Variants in UBAP2 observed in about 807,000 individuals in gnomAD.
UBAP2 encodes the protein ubiquitin associated protein 2, also known as ubiquitin-associated protein 2.
UBAP2 carries 75 observed loss-of-function variants against 139.6 expected under a neutral mutation model. That is an observed-to-expected ratio of 0.54 (90% CI 0.45 to 0.65). The LOEUF (loss-of-function observed/expected upper bound fraction) is 0.65. Among genes scored for constraint, UBAP2 ranks in the 30% least tolerant of loss-of-function variants. UBAP2 has a pLI of 0.00. For missense variants in UBAP2, 1,368 were observed against 1,369.6 expected, an observed-to-expected ratio of 1.00 and a Z score of 0.02; for synonymous variants, 526 against 526.2, an observed-to-expected ratio of 1.00 and a Z score of 0.01.
chr9:33,961,862 AATG>A (rs1302104973), intron 9 of UBAP2, among the ~76,000 whole-genome samples: 6 of 152,192 alleles, frequency 3.9e-5, no homozygotes, highest in African/African-American at 1.2e-4. Flanking sequence ...TCATAAGTAA[AATG>A]ATGATTGTTT....
chr9:33,934,899 A>G (rs1824321222), intron 17 of UBAP2, among the ~76,000 whole-genome samples: 1 of 152,170 alleles, frequency 6.6e-6, no homozygotes, highest in Non-Finnish European at 1.5e-5. Flanking sequence ...CAACAATACC[A>G]GCAAATGTCA....
intron 1 of UBAP2, among the ~76,000 whole-genome samples, chr9:34,025,455 C>A (rs73482919): frequency 1.3e-5 from 2 of 152,140 alleles, no homozygotes; most frequent in Non-Finnish European, 2.9e-5. Context: ...ATCTATCCAA[C>A]CAAATTTTGA....
At position 33,922,125 on chromosome 9, in the gene UBAP2, CCAAA is replaced by C. The variant is rs914637990; in HGVS notation, c.*375_*378del. On this transcript the variant is annotated 3_prime_UTR_variant, in exon 29 of 29. Coordinates refer to ENST00000379238, the MANE Select transcript of UBAP2 (RefSeq NM_001370062.2). The stretch of plus-strand genomic sequence containing the variant: ...CTTCATTGGTACCTGACCCCTATAC[CCAAA>C]CAGCCTTGAACCAGCCCTTCCAGAG... 2 of 211,506 alleles carry C rather than the reference CCAAA, an allele frequency of 9.5e-6. No individual in the cohort carries two copies. Among genetic ancestry groups the C allele is most frequent in the African/African-American group, 4.6e-5 (2 of 43,044 alleles). The allele number at this position is 211,506 out of a possible 1,614,324, so 13.1% of individuals were successfully genotyped here.
At chr9:33,968,267 A>G in intron 8 of UBAP2, 1 of 619,994 alleles carries the variant, frequency 1.6e-6, no homozygotes, top group Non-Finnish European at 3.1e-6. Context: ...AAGTCCTTCC[A>G]TAATATACTG....
chr9:33,959,524 C>G (rs1826854577), intron 10 of UBAP2, among the ~76,000 whole-genome samples: 1 of 152,142 alleles, frequency 6.6e-6, no homozygotes, highest in Non-Finnish European at 1.5e-5. Context: ...AGTTCTAGAA[C>G]TTGACAGTCA....
At position 33,980,220 on chromosome 9, in the gene UBAP2, CTTTTTTTTTTTTTTTTTTTTT is replaced by C. The variant is rs1173781682; in HGVS notation, c.520+6519_520+6539del. Among the ~76,000 whole-genome samples the C allele has an allele frequency of 1.4e-3, 67 of 49,138 alleles. 1 individual carries two copies. Among genetic ancestry groups the C allele is most frequent in the Admixed American group, 0.012 (35 of 2,902 alleles). 32.2% of individuals were successfully genotyped at this position (49,138 alleles called of 152,430 possible). A position where few individuals can be genotyped will look rare whatever the true frequency, so the allele number is the denominator to read the frequency against. Reference sequence around the variant, plus strand: ...TTAATCCAAATCCTGAGTGTCATTTCTTTTTTTTTTTTTTTTTTTTTTTTTTTTTTGAGACGGAGTCTTGCT... The same window carrying C: ...TTAATCCAAATCCTGAGTGTCATTTCTTTTTTTTTGAGACGGAGTCTTGCT... On this transcript the variant is annotated intron_variant, in intron 6 of 28. Transcript: ENST00000379238.
chr9:33,995,793 A>T (rs1822152970), intron 4 of UBAP2: 1 of 151,678 alleles, frequency 6.6e-6, no homozygotes, highest in African/African-American at 2.4e-5. Context: ...AATATTAAAA[A>T]AAAAAAAGAA....
In UBAP2 at chr9:33,923,289, A is replaced by G. The variant is rs1249989648; in HGVS notation, c.2901T>C (p.Tyr967=). 1.4e-5 allele frequency: 22 copies of G among 1,614,100 alleles called. No individual in the cohort carries two copies. The highest frequency in any genetic ancestry group is 1.9e-5 in the Non-Finnish European group (22 of 1,180,028). ...CTGCTGTCCCCTGGGTCAGGTCGTC[A>G]TAACCTAGCGTGGCAGGGTACAAGA... ...GYGQHGYSTG[Y]DDLTQGTAAG... Residue 967 remains tyrosine (Y), a synonymous_variant, in exon 26 of 29, where the codon TAT becomes TAC. Coordinates refer to ENST00000379238, the MANE Select transcript of UBAP2 (RefSeq NM_001370062.2).
At position 33,924,170 on chromosome 9, in the gene UBAP2, G is replaced by A. The variant is rs79359646; in HGVS notation, c.2590+36C>T. On this transcript the variant is annotated intron_variant, in intron 23 of 28. Transcript: ENST00000379238. ...AGCTCCTGGAGTTCGCGCTAGGCCG[G>A]CCCCGGGCTACTCCTCATCCATTGA... 2.6e-4 allele frequency: 425 copies of A among 1,610,906 alleles called. 5 individuals are homozygous for A. In the East Asian group the frequency reaches 8.7e-3, roughly 33 times the overall value.
intron 6 of UBAP2, among the ~76,000 whole-genome samples, chr9:33,975,773 G>T (rs1352088123): frequency 1.4e-5 from 2 of 148,046 alleles, no homozygotes; most frequent in African/African-American, 2.5e-5. Context: ...CTGCACTCCA[G>T]CCTGGACAAC....
chr9:34,013,285 C>A (rs1311227167), intron 2 of UBAP2, among the ~76,000 whole-genome samples: 1 of 152,100 alleles, frequency 6.6e-6, no homozygotes, highest in Admixed American at 6.6e-5. Context: ...TGCAGTGGCT[C>A]ACGCCTGTAA....
In UBAP2 at chr9:33,960,893, C is replaced by T. The variant is rs779338099; in HGVS notation, c.746-15G>A. 9.9e-6 allele frequency: 16 copies of T among 1,613,518 alleles called. No homozygotes were observed. The highest frequency in any genetic ancestry group is 1.7e-5 in the Admixed American group (1 of 59,970). On this transcript the variant is annotated splice_polypyrimidine_tract_variant and intron_variant, in intron 9 of 28. Transcript: ENST00000379238. Reference sequence around the variant, plus strand: ...CTTCCAAGCCCCTGTTGGGAAACAACAGCAATCAAAGTTTATACCACAAAG... The same window carrying T: ...CTTCCAAGCCCCTGTTGGGAAACAATAGCAATCAAAGTTTATACCACAAAG...
intron 19 of UBAP2, among the ~76,000 whole-genome samples, chr9:33,929,496 G>C (rs1404815087): frequency 6.6e-6 from 1 of 152,178 alleles, no homozygotes; most frequent in African/African-American, 2.4e-5. Context: ...GAGAAGTAAA[G>C]GCAGGAGAAG....
rs568086993 is a variant in UBAP2, at chr9:34,001,699, G to A, written c.100-2835C>T. On this transcript the variant is annotated intron_variant, in intron 2 of 28. Transcript: ENST00000379238. ...AAAGTAGACTGTTAGTGTCCCTGTT[G>A]CAAGAAGCCTGTATGAAGAGTTTGC... Among the ~76,000 whole-genome samples the A allele has an allele frequency of 9.9e-5, 15 of 152,234 alleles. 1 individual carries two copies. Among genetic ancestry groups the A allele is most frequent in the Middle Eastern group, 3.4e-3 (1 of 294 alleles).
chr9:33,936,261 C>CATG (rs1488333741), intron 16 of UBAP2, among the ~76,000 whole-genome samples: 6 of 151,874 alleles, frequency 4.0e-5, no homozygotes, highest in African/African-American at 1.5e-4. Flanking sequence ...GGATTACAGG[C>CATG]ATGAGCTACC....
At chr9:34,047,706 C>A (rs1827729414) in intron 1 of UBAP2, among the ~76,000 whole-genome samples, 1 of 152,176 alleles carries the variant, frequency 6.6e-6, no homozygotes, top group Non-Finnish European at 1.5e-5. Context: ...ACTAGCTGAG[C>A]ACCGTGGTGC....
In UBAP2 at chr9:33,924,175, G is replaced by A. The variant is rs201207838; in HGVS notation, c.2590+31C>T. On this transcript the variant is annotated intron_variant, in intron 23 of 28. Transcript: ENST00000379238. The stretch of plus-strand genomic sequence containing the variant: ...CTGGAGTTCGCGCTAGGCCGGCCCC[G>A]GGCTACTCCTCATCCATTGAGCAAA... 2.9e-4 allele frequency: 472 copies of A among 1,611,932 alleles called. 1 individual carries two copies. In the African/African-American group the frequency reaches 3.7e-3, roughly 13 times the overall value.
At chr9:33,940,424 G>A (rs1825104654) in intron 16 of UBAP2, among the ~76,000 whole-genome samples, 1 of 152,138 alleles carries the variant, frequency 6.6e-6, no homozygotes, top group African/African-American at 2.4e-5. Context: ...GACATACAGA[G>A]TTGTTGAGCT....
intron 10 of UBAP2, 38 bp downstream of exon 10, chr9:33,960,788 A>T: frequency 6.3e-7 from 1 of 1,588,570 alleles, no homozygotes; most frequent in Non-Finnish European, 8.5e-7. Flanking sequence ...TTCAAAAAAA[A>T]AAAAAAAGAA....
Sources: gnomAD v4.1 joint callset for allele counts (sites outside exome capture counted in the v4.1 genomes callset) on GRCh38, gnomAD v4.1.1 for gene constraint, MANE v1.5 for transcripts, NCBI Gene and HGNC (gene_info 2026-07-23, HGNC 2026-07-21) for gene names.